Variants in ARHGAP45 observed in about 807,000 individuals in gnomAD.
ARHGAP45 encodes rho GTPase-activating protein 45.
ARHGAP45 carries 56 observed loss-of-function variants against 116.1 expected under a neutral mutation model. That is an observed-to-expected ratio of 0.48 (90% CI 0.39 to 0.60). The LOEUF (loss-of-function observed/expected upper bound fraction) is 0.60, where lower values mean the gene tolerates loss of function less well. ARHGAP45 is among the 20% of genes least tolerant of loss of function. ARHGAP45 has a pLI of 0.00. For synonymous variants in ARHGAP45, 866 were observed against 701.7 expected (o/e 1.23, Z -3.70); for missense variants, 1,622 against 1,601.0 (o/e 1.01, Z -0.22).
intron 10 of ARHGAP45, chr19:1,077,035 TAGTAATTGGATG>T: frequency 1.0e-6 from 1 of 983,722 alleles, no homozygotes; most frequent in South Asian, 4.7e-5. Flanking sequence ...GGCGGTCTCC[TAGTAATTGGATG>T]AGTCCGTTTG....
At position 1,077,999 on chromosome 19, in the gene ARHGAP45, A is replaced by T; in HGVS notation, c.1328A>T (p.Lys443Met). 1 of 1,555,810 alleles carries T rather than the reference A, an allele frequency of 6.4e-7. No homozygotes were observed. Among genetic ancestry groups the T allele is most frequent in the East Asian group, 2.4e-5 (1 of 41,748 alleles). ...SAPGAGSTAT[K>M]TLDKRRRLEE... ...CCGGGAGCAGGCAGCACGGCCACCA[A>T]GACCCTGGACAAGCGGCGGCGGCTG... Residue 443 changes from lysine to methionine, a missense_variant, in exon 11 of 23, where the codon AAG (lysine) becomes ATG (methionine). Around this residue, in one of 3 missense-constraint regions of ARHGAP45, gnomAD observed 1,334 missense variants for 1,263.8 expected, o/e 1.06. Coordinates refer to ENST00000313093, the MANE Select transcript of ARHGAP45 (RefSeq NM_012292.5).
At position 1,074,419 on chromosome 19, in the gene ARHGAP45, G is replaced by A. The variant is rs1162332166; in HGVS notation, c.993+12G>A. The A allele has an allele frequency of 2.0e-6, 3 of 1,528,448 alleles. No individual in the cohort carries two copies. Among genetic ancestry groups the A allele is most frequent in the Middle Eastern group, 1.8e-4 (1 of 5,542 alleles). The allele number at this position is 1,528,448 out of a possible 1,614,324, so 94.7% of individuals were successfully genotyped here. The stretch of plus-strand genomic sequence containing the variant: ...GCGTCATGCAGGAGGTGGGGGCCCC[G>A]CGGGCACGGGGCGGGGGTCCCTGGG... On this transcript the variant is annotated intron_variant, in intron 8 of 22. Coordinates refer to ENST00000313093, the MANE Select transcript of ARHGAP45 (RefSeq NM_012292.5).
At position 1,068,624 on chromosome 19, in the gene ARHGAP45, G is replaced by A. The variant is rs761077603; in HGVS notation, c.301G>A (p.Gly101Ser). The part of the protein sequence containing the change: ...HRSPLTAASP[G>S]ELPTEGAGPD... ...GAGCCCACTGACAGCCGCCAGCCCG[G>A]GCGAGCTGCCCACCGAGGGTGCCGG... Residue 101 changes from glycine to serine, a missense_variant, in exon 2 of 23, where the codon GGC (glycine) becomes AGC (serine). By Grantham distance (56) the Gly-to-Ser change is moderately conservative (BLOSUM62 0). Around this residue, in one of 3 missense-constraint regions of ARHGAP45, gnomAD observed 279 missense variants for 311.9 expected, o/e 0.89. Transcript: ENST00000313093. The surrounding 1 kb of genome is among the most constrained non-coding windows in gnomAD (Gnocchi z 7.5). 5 of 1,611,692 alleles carry A rather than the reference G, an allele frequency of 3.1e-6. No individual in the cohort carries two copies. The African/African-American group carries it at 6.7e-5, about 22-fold the overall frequency.
At position 1,080,901 on chromosome 19, in the gene ARHGAP45, A is replaced by G; in HGVS notation, c.2027A>G (p.Asn676Ser). ...GASAFEQADL[N>S]GMTPELPVAV... ...CCTGTGCTGCCCGCAGCTGACCTCAACGGCATGACCCCCGAGCTGCCGGTG... is the reference window on the plus strand; with the variant it reads ...CCTGTGCTGCCCGCAGCTGACCTCAGCGGCATGACCCCCGAGCTGCCGGTG... The change falls in exon 17 of 23, where the codon AAC becomes AGC. Residue 676 changes from asparagine to serine, a missense_variant. Around this residue, in one of 3 missense-constraint regions of ARHGAP45, gnomAD observed 1,334 missense variants for 1,263.8 expected, o/e 1.06. Transcript: ENST00000313093. The G allele has an allele frequency of 6.2e-7, 1 of 1,608,338 alleles. No individual in the cohort carries two copies. Among genetic ancestry groups the G allele is most frequent in the Non-Finnish European group, 8.5e-7 (1 of 1,177,502 alleles).
chr19:1,076,398 C>G (rs549673313), intron 10 of ARHGAP45, among the ~76,000 whole-genome samples: 1 of 151,758 alleles, frequency 6.6e-6, no homozygotes, highest in Non-Finnish European at 1.5e-5. Flanking sequence ...TCCCCCCATT[C>G]CCCTCCCACA....
Position 1,086,010 on chromosome 19 carries a change from G to A in ARHGAP45, c.*4G>A. 1 of 1,609,178 alleles carries A rather than the reference G, an allele frequency of 6.2e-7. No homozygotes were observed. Among genetic ancestry groups the A allele is most frequent in the Non-Finnish European group, 8.5e-7 (1 of 1,177,470 alleles). On this transcript the variant is annotated 3_prime_UTR_variant, in exon 23 of 23. Transcript: ENST00000313093. Reference sequence around the variant, plus strand: ...AAGGCAGCCGGAATTCGTGTGAGCTGGGGTGGGGCTGGGACCACAGGTGGC... The same window carrying A: ...AAGGCAGCCGGAATTCGTGTGAGCTAGGGTGGGGCTGGGACCACAGGTGGC...
Position 1,085,752 on chromosome 19 carries a change from A to C in ARHGAP45, c.3157A>C (p.Ser1053Arg). 1 of 1,612,352 alleles carries C rather than the reference A, an allele frequency of 6.2e-7. No individual in the cohort carries two copies. Among genetic ancestry groups the C allele is most frequent in the Non-Finnish European group, 8.5e-7 (1 of 1,179,694 alleles). The change falls in exon 23 of 23, where the codon AGC becomes CGC. Residue 1053 changes from serine to arginine, a missense_variant. This residue lies in a region of ARHGAP45 where 1,334 missense variants were observed against 1,263.8 expected (regional missense o/e 1.06). Coordinates refer to ENST00000313093, the MANE Select transcript of ARHGAP45 (RefSeq NM_012292.5). Reference sequence around the variant, plus strand: ...GGAGGCCAGTGCCCTGGGCCACCTCAGCTTCCTGGAGCAGCAGCAGAGCGA... The same window carrying C: ...GGAGGCCAGTGCCCTGGGCCACCTCCGCTTCCTGGAGCAGCAGCAGAGCGA... ...SSEASALGHL[S>R]FLEQQQSEAS...
upstream of ARHGAP45, chr19:1,066,435 G>A (rs926227115): frequency 3.9e-6 from 2 of 513,458 alleles, no homozygotes; most frequent in Non-Finnish European, 7.1e-6. Flanking sequence ...TGCAGCTTGG[G>A]AGGCGGGGCT....
chr19:1,086,481 G>T lies in ARHGAP45; in HGVS notation c.*475G>T, dbSNP rs891091943. On this transcript the variant is annotated 3_prime_UTR_variant, in exon 23 of 23. Coordinates refer to ENST00000313093, the MANE Select transcript of ARHGAP45 (RefSeq NM_012292.5). ...CAGTTTCCAGGGTGCAGTACAGCAGGGCCTGAATACTGGCCCTGGACTCCC... is the reference window on the plus strand; with the variant it reads ...CAGTTTCCAGGGTGCAGTACAGCAGTGCCTGAATACTGGCCCTGGACTCCC... 1 of 156,532 alleles carries T rather than the reference G, an allele frequency of 6.4e-6. No individual in the cohort carries two copies. Among genetic ancestry groups the T allele is most frequent in the African/African-American group, 2.4e-5 (1 of 41,496 alleles). 9.7% of individuals were successfully genotyped at this position (156,532 alleles called of 1,614,324 possible).
chr19:1,085,959 C>T lies in ARHGAP45; in HGVS notation c.3364C>T (p.Arg1122Trp), dbSNP rs780886624. The part of the protein sequence containing the change: ...PLPPMRLRGG[R>W]MTLGSCRERQ... ...GCCCCCCATGAGGCTCCGTGGCGGG[C>T]GGATGACACTGGGCTCCTGCAGGGA... The change falls in exon 23 of 23, where the codon CGG becomes TGG. Residue 1122 changes from arginine to tryptophan, a missense_variant. Arg to Trp is a moderately radical substitution (Grantham distance 101). This residue lies in a region of ARHGAP45 where 1,334 missense variants were observed against 1,263.8 expected (regional missense o/e 1.06). Transcript: ENST00000313093. The T allele has an allele frequency of 2.1e-5, 34 of 1,612,756 alleles. No individual in the cohort carries two copies. The highest frequency in any genetic ancestry group is 4.5e-5 in the East Asian group (2 of 44,894).
chr19:1,078,543 T>C (rs1017757286), intron 11 of ARHGAP45, among the ~76,000 whole-genome samples: 13 of 151,794 alleles, frequency 8.6e-5, no homozygotes, highest in Admixed American at 6.6e-5. Context: ...CACAGTTCTC[T>C]GCCTCAGCCA....
At chr19:1,074,947 C>T (rs58697248) in intron 10 of ARHGAP45, 68 bp downstream of exon 10, 15 of 1,363,150 alleles carry the variant, frequency 1.1e-5, no homozygotes, top group Non-Finnish European at 1.3e-5. Flanking sequence ...GTCCCAGCCC[C>T]AGCCCCATAG....
intron 1 of ARHGAP45, 147 bp downstream of exon 1, chr19:1,067,642 CAG>C (rs757376320): frequency 1.2e-6 from 1 of 803,490 alleles, no homozygotes; most frequent in South Asian, 1.4e-5. Flanking sequence ...GGGGCCACAG[CAG>C]AGAGGCCGGG....
rs761537444 is a variant in ARHGAP45 at position 1,080,429 on chromosome 19, C to A, written c.1829-35C>A. On this transcript the variant is annotated intron_variant, in intron 14 of 22. Transcript: ENST00000313093. The stretch of plus-strand genomic sequence containing the variant: ...GCGGACGCTGGCTCCCTGCGACCCA[C>A]CCTGGCCCTTCACCAGAGACGCCTC... 4 of 1,611,656 alleles carry A rather than the reference C, an allele frequency of 2.5e-6. No homozygotes were observed. The African/African-American group carries it at 5.3e-5, about 22-fold the overall frequency.
intron 15 of ARHGAP45, 28 bp downstream of exon 15, chr19:1,080,575 G>T: frequency 6.2e-7 from 1 of 1,610,382 alleles, no homozygotes; most frequent in Non-Finnish European, 8.5e-7. Flanking sequence ...GCGGGCTGGG[G>T]TGTGGAGCTG....
chr19:1,073,757 T>A lies in ARHGAP45; in HGVS notation c.723+11T>A. 1 of 1,577,686 alleles carries A rather than the reference T, an allele frequency of 6.3e-7. No individual in the cohort carries two copies. Among genetic ancestry groups the A allele is most frequent in the Non-Finnish European group, 8.6e-7 (1 of 1,161,296 alleles). On this transcript the variant is annotated intron_variant, in intron 5 of 22. Coordinates refer to ENST00000313093, the MANE Select transcript of ARHGAP45 (RefSeq NM_012292.5). ...GGGGACTCGAGCCAGGTGAGTGGGG[T>A]GGGCCAGGGCCACCTGTGTCCAGCT...
chr19:1,078,107 A>G, intron 11 of ARHGAP45, 62 bp downstream of exon 11: 1 of 1,502,434 alleles, frequency 6.7e-7, no homozygotes, highest in Non-Finnish European at 8.9e-7. Flanking sequence ...GCTTGGTGTG[A>G]CATTTACTAC....
At position 1,080,390 on chromosome 19, in the gene ARHGAP45, G is replaced by C; in HGVS notation, c.1828+11G>C. On this transcript the variant is annotated intron_variant, in intron 14 of 22. Coordinates refer to ENST00000313093, the MANE Select transcript of ARHGAP45 (RefSeq NM_012292.5). ...CCAAGGACCACAGGGGTGAGTGTCC[G>C]GCGGGGCCCAGGGGCGGACGCTGGC... 6.2e-7 allele frequency: 1 copy of C among 1,607,690 alleles called. No individual in the cohort carries two copies. Among genetic ancestry groups the C allele is most frequent in the Non-Finnish European group, 8.5e-7 (1 of 1,178,892 alleles).
At chr19:1,081,329 C>T in intron 17 of ARHGAP45, 5 of 642,726 alleles carry the variant, frequency 7.8e-6, no homozygotes, top group South Asian at 6.5e-5. Flanking sequence ...GGCAAAGGCC[C>T]TGGAGCTGTG....
Sources: allele counts gnomAD v4.1 joint callset (sites outside exome capture counted in the v4.1 genomes callset), GRCh38; gene constraint gnomAD v4.1.1; regional missense constraint gnomAD v4.1.1; non-coding constraint Gnocchi (gnomAD v3.1); transcripts MANE v1.5; gene names NCBI Gene and HGNC (gene_info 2026-07-23, HGNC 2026-07-21).